Variants in MYO1E observed in about 807,000 individuals in gnomAD.
MYO1E encodes the protein unconventional myosin-Ie.
Under a neutral mutation model 151.1 loss-of-function variants are expected in MYO1E, and 68 were observed. That is an observed-to-expected ratio of 0.45 (90% CI 0.37 to 0.55). The LOEUF (loss-of-function observed/expected upper bound fraction) is 0.55, where lower values mean the gene tolerates loss of function less well. Among genes scored for constraint, MYO1E ranks in the 20% least tolerant of loss-of-function variants. The pLI is 0.00. For missense variants in MYO1E, 1,363 were observed against 1,389.3 expected (o/e 0.98, Z 0.30); for synonymous variants, 601 against 501.7 (o/e 1.20, Z -2.64).
At chr15:59,207,871 A>C in intron 14 of MYO1E, 1 of 1,614,226 alleles carries the variant, frequency 6.2e-7, no homozygotes, top group Non-Finnish European at 8.5e-7. Flanking sequence ...TTTAACAGAA[A>C]GTATTTTGAA....
At chr15:59,272,571 G>T (rs2080294757) in intron 1 of MYO1E, 122 bp from the exon 2 acceptor site, 3 of 1,058,168 alleles carry the variant, frequency 2.8e-6, no homozygotes, top group South Asian at 1.4e-5. Flanking sequence ...GCAGTGCAGA[G>T]AAAGATTCTG....
In MYO1E at chr15:59,173,853, C is replaced by CTT; in HGVS notation, c.2226_2227insAA (p.Gly743LysfsTer39). On this transcript the variant is annotated frameshift_variant, in exon 21 of 28. Coordinates refer to ENST00000288235, the MANE Select transcript of MYO1E (RefSeq NM_004998.4). LOFTEE classifies it high-confidence loss of function. The stretch of plus-strand genomic sequence containing the variant: ...TGCTCTTCCATCCCAATATAATCCC[C>CTT]TATAAAGTTCCTGTTAATACTGTTT... 6.2e-7 allele frequency: 1 copy of CTT among 1,614,080 alleles called. No homozygotes were observed. The highest frequency in any genetic ancestry group is 8.5e-7 in the Non-Finnish European group (1 of 1,179,982).
Position 59,236,361 on chromosome 15 carries a change from A to T in MYO1E, c.420+224T>A, listed in dbSNP as rs1283044585. 1.5e-4 allele frequency among the ~76,000 whole-genome samples: 10 copies of T among 66,756 alleles called. 1 individual carries two copies. The highest frequency in any genetic ancestry group is 4.2e-4 in the African/African-American group (10 of 23,880). 43.8% of individuals were successfully genotyped at this position (66,756 alleles called of 152,430 possible). A position where few individuals can be genotyped will look rare whatever the true frequency, so the allele number is the denominator to read the frequency against. Reference sequence around the variant, plus strand: ...ACTCTGTCTCAAAAAAGAAAAAAAAAAAATATATACACACACACACACACA... The same window carrying T: ...ACTCTGTCTCAAAAAAGAAAAAAAATAAATATATACACACACACACACACA... On this transcript the variant is annotated intron_variant, in intron 5 of 27. Transcript: ENST00000288235.
At chr15:59,230,215 AGTGTGTGTTT>A (rs1300836102) in intron 6 of MYO1E, among the ~76,000 whole-genome samples, 4 of 118,408 alleles carry the variant, frequency 3.4e-5, no homozygotes, top group African/African-American at 1.2e-4. Context: ...AGAGAGAGAC[AGTGTGTGTTT>A]GTGTGTGTGT....
chr15:59,272,508 A>C (rs1596394789), intron 1 of MYO1E, 59 bp from the exon 2 acceptor site: 1 of 1,557,790 alleles, frequency 6.4e-7, no homozygotes, highest in East Asian at 2.2e-5. Flanking sequence ...AGTAACAAAG[A>C]CAAAATGCTG....
chr15:59,231,584 G>C (rs556070465), intron 6 of MYO1E, 118 bp downstream of exon 6: 1 of 1,093,818 alleles, frequency 9.1e-7, no homozygotes, highest in East Asian at 2.4e-5. Context: ...AAAGATCGAA[G>C]AGGTGGCCTC....
chr15:59,231,636 G>T, intron 6 of MYO1E, 66 bp downstream of exon 6: 1 of 1,522,346 alleles, frequency 6.6e-7, no homozygotes, highest in South Asian at 1.1e-5. Flanking sequence ...TGGGATACTA[G>T]ACTTCAGTCA....
intron 1 of MYO1E, among the ~76,000 whole-genome samples, chr15:59,341,667 G>A (rs2080766410): frequency 6.6e-6 from 1 of 152,128 alleles, no homozygotes; most frequent in Admixed American, 6.5e-5. Flanking sequence ...TCTTGCAAAT[G>A]ACAAATGACA....
intron 1 of MYO1E, among the ~76,000 whole-genome samples, chr15:59,302,044 T>G (rs2080486112): frequency 1.3e-5 from 2 of 152,148 alleles, no homozygotes; most frequent in Non-Finnish European, 2.9e-5. Flanking sequence ...GTCCCCTGCC[T>G]GGCAGAACTA....
chr15:59,291,682 TAA>T (rs1182076268), intron 1 of MYO1E, among the ~76,000 whole-genome samples: 16 of 7,802 alleles, frequency 2.1e-3, no homozygotes, highest in African/African-American at 2.5e-3. Context: ...CTAAAAATAC[TAA>T]AAAAAAAAAA....
At chr15:59,161,435 C>A (rs1241476001) in intron 23 of MYO1E, among the ~76,000 whole-genome samples, 1 of 152,204 alleles carries the variant, frequency 6.6e-6, no homozygotes, top group Admixed American at 6.5e-5. Flanking sequence ...GAAAAAGGAG[C>A]ATCTGGGGCC....
chr15:59,262,380 G>A (rs976171236), intron 2 of MYO1E, among the ~76,000 whole-genome samples: 1 of 152,150 alleles, frequency 6.6e-6, no homozygotes, highest in Admixed American at 6.6e-5. Flanking sequence ...CATGTTAGAA[G>A]GCCAAGGGGG....
At chr15:59,194,623 T>C (rs182882284) in intron 17 of MYO1E, among the ~76,000 whole-genome samples, 1 of 152,328 alleles carries the variant, frequency 6.6e-6, no homozygotes, top group Non-Finnish European at 1.5e-5. Flanking sequence ...GCTCCCATCC[T>C]GGGACTGATA....
At chr15:59,345,318 G>C (rs531909420) in intron 1 of MYO1E, among the ~76,000 whole-genome samples, 2 of 151,996 alleles carry the variant, frequency 1.3e-5, no homozygotes, top group Admixed American at 1.3e-4. Context: ...AAAAGCAAAG[G>C]TATCAGGACT....
chr15:59,207,473 C>A, intron 14 of MYO1E: 1 of 1,613,982 alleles, frequency 6.2e-7, no homozygotes, highest in East Asian at 2.2e-5. Flanking sequence ...CAGTACAGCC[C>A]CCACTGCAAA....
In MYO1E at chr15:59,272,444, G is replaced by C. The variant is rs751915379; in HGVS notation, c.9C>G (p.Ser3Arg). Residue 3 changes from serine to arginine, a missense_variant, in exon 2 of 28, where the codon AGC becomes AGG. By Grantham distance (110) the Ser-to-Arg change is moderately radical. Transcript: ENST00000288235. MGSKGVYQYHWQS... is the reference protein window; with the variant it reads MGRKGVYQYHWQS... ...GCCAGTGGTACTGGTAGACACCTTT[G>C]CTTCCCTGGGAACATAAAACATACA... 6.2e-7 allele frequency: 1 copy of C among 1,614,144 alleles called. No homozygotes were observed. Among genetic ancestry groups the C allele is most frequent in the South Asian group, 1.1e-5 (1 of 91,080 alleles).
In MYO1E at chr15:59,134,361, A is replaced by C. The variant is rs1435395716; in HGVS notation, c.*3019T>G. On this transcript the variant is annotated 3_prime_UTR_variant, in exon 28 of 28. Coordinates refer to ENST00000288235, the MANE Select transcript of MYO1E (RefSeq NM_004998.4). ...TCCACATGTCTCTGTATTGTTTCAC[A>C]AAACACTGTGGAAGAGACGGCCCTT... 6.6e-6 allele frequency: 1 copy of C among 152,208 alleles called. No individual in the cohort carries two copies. The highest frequency in any genetic ancestry group is 2.4e-5 in the African/African-American group (1 of 41,444). 9.4% of individuals were successfully genotyped at this position (152,208 alleles called of 1,614,324 possible). A position where few individuals can be genotyped will look rare whatever the true frequency, so the allele number is the denominator to read the frequency against.
At chr15:59,304,618 CT>C in intron 1 of MYO1E, among the ~76,000 whole-genome samples, 1 of 152,192 alleles carries the variant, frequency 6.6e-6, no homozygotes, top group South Asian at 2.1e-4. Flanking sequence ...TTCAGCATAA[CT>C]TTTTTTTCAA....
chr15:59,238,118 G>C (rs1392568630), intron 4 of MYO1E, among the ~76,000 whole-genome samples: 8 of 152,176 alleles, frequency 5.3e-5, no homozygotes, highest in African/African-American at 1.9e-4. Flanking sequence ...AGCCTGGGAC[G>C]AGGTGTCACA....
Sources: gnomAD v4.1 joint callset for allele counts (sites outside exome capture counted in the v4.1 genomes callset) on GRCh38, gnomAD v4.1.1 for gene constraint, MANE v1.5 for transcripts, NCBI Gene and HGNC (gene_info 2026-07-23, HGNC 2026-07-21) for gene names.